Variants in MPHOSPH9 observed in about 807,000 individuals in gnomAD.
MPHOSPH9 encodes M-phase phosphoprotein 9.
Under a neutral mutation model 145.5 loss-of-function variants are expected in MPHOSPH9, and 88 were observed. The observed-to-expected ratio is 0.60, with a 90% CI of 0.51 to 0.72. MPHOSPH9 has a LOEUF of 0.72. Ranked by LOEUF, MPHOSPH9 falls within the 30% of genes least tolerant of loss-of-function variation. The pLI, the probability that MPHOSPH9 is intolerant of heterozygous loss-of-function variation, is 0.00. For synonymous variants in MPHOSPH9, 435 were observed against 486.2 expected, an observed-to-expected ratio of 0.89 and a Z score of 1.39; for missense variants, 1,238 against 1,386.6, an observed-to-expected ratio of 0.89 and a Z score of 1.70.
chr12:123,189,244 G>A (rs899596347), intron 13 of MPHOSPH9, among the ~76,000 whole-genome samples: 1 of 152,160 alleles, frequency 6.6e-6, no homozygotes, highest in African/African-American at 2.4e-5. Context: ...ATGCCCTTCA[G>A]AAGATTCCAG....
chr12:123,226,159 C>T (rs535343082), intron 3 of MPHOSPH9: 28 of 187,320 alleles, frequency 1.5e-4, no homozygotes, highest in Non-Finnish European at 2.6e-4. Flanking sequence ...AGGTCTTTCA[C>T]GTTAGTGCAT....
intron 8 of MPHOSPH9, among the ~76,000 whole-genome samples, chr12:123,208,982 G>A (rs1032538819): frequency 6.6e-6 from 1 of 152,138 alleles, no homozygotes; most frequent in Admixed American, 6.6e-5. Context: ...ACCCAGGCTG[G>A]AGTGCAGTGG....
intron 13 of MPHOSPH9, among the ~76,000 whole-genome samples, chr12:123,187,849 G>A (rs2045515520): frequency 6.6e-6 from 1 of 152,172 alleles, no homozygotes; most frequent in South Asian, 2.1e-4. Context: ...TTCTGGGCTG[G>A]GCGCCGTGGC....
intron 8 of MPHOSPH9, among the ~76,000 whole-genome samples, chr12:123,208,863 G>A (rs1452523760): frequency 6.6e-6 from 1 of 151,998 alleles, no homozygotes; most frequent in East Asian, 1.9e-4. Flanking sequence ...AGGATTACAG[G>A]TGTAAACTAT....
intron 2 of MPHOSPH9, among the ~76,000 whole-genome samples, chr12:123,227,856 A>G (rs1307582620): frequency 5.3e-5 from 8 of 152,208 alleles, no homozygotes; most frequent in Non-Finnish European, 8.8e-5. Context: ...GTGAGAGAAC[A>G]CTCCAAAGGA....
At chr12:123,198,462 T>A in intron 11 of MPHOSPH9, 128 bp from the exon 12 acceptor site, 4 of 743,650 alleles carry the variant, frequency 5.4e-6, no homozygotes, top group Non-Finnish European at 8.7e-6. Flanking sequence ...AGACTCAGGA[T>A]GCCATTTTAA....
Position 123,154,781 on chromosome 12 carries a change from T to A in MPHOSPH9, c.*2026A>T, listed in dbSNP as rs911062755. On this transcript the variant is annotated 3_prime_UTR_variant, in exon 24 of 24. Transcript: ENST00000606320. Reference sequence around the variant, plus strand: ...TACTAGGTCTTGACACAAGCTGTACTGGAGCTTGATTAAAATGAACATTTT... The same window carrying A: ...TACTAGGTCTTGACACAAGCTGTACAGGAGCTTGATTAAAATGAACATTTT... 7.2e-5 allele frequency: 11 copies of A among 152,312 alleles called. No individual in the cohort carries two copies. The highest frequency in any genetic ancestry group is 2.4e-4 in the African/African-American group (10 of 41,568). 9.4% of individuals were successfully genotyped at this position (152,312 alleles called of 1,614,324 possible). A position where few individuals can be genotyped will look rare whatever the true frequency, so the allele number is the denominator to read the frequency against.
intron 6 of MPHOSPH9, 82 bp downstream of exon 6, chr12:123,218,294 C>T: frequency 1.3e-6 from 2 of 1,536,734 alleles, no homozygotes; most frequent in Non-Finnish European, 1.8e-6. Context: ...AGAAAGGGCA[C>T]AAGAGTTTTG....
chr12:123,226,823 G>A (rs1272671995), intron 3 of MPHOSPH9, among the ~76,000 whole-genome samples: 2 of 152,054 alleles, frequency 1.3e-5, no homozygotes, highest in African/African-American at 4.8e-5. Flanking sequence ...TATTTGTAGA[G>A]ACAGGGTCTC....
rs1216828881 is a variant in MPHOSPH9 at position 123,156,718 on chromosome 12, T to TA, written c.*88dup. Reference sequence around the variant, plus strand: ...TGTAAAACTACTGTTTGAAGGCTTATAAACAGTACAAAATAGTTTGCCTTT... The same window carrying TA: ...TGTAAAACTACTGTTTGAAGGCTTATAAAACAGTACAAAATAGTTTGCCTTT... On this transcript the variant is annotated 3_prime_UTR_variant, in exon 24 of 24. Coordinates refer to ENST00000606320, the MANE Select transcript of MPHOSPH9 (RefSeq NM_022782.4). 6 of 944,358 alleles carry TA rather than the reference T, an allele frequency of 6.4e-6. No homozygotes were observed. In the East Asian group the frequency reaches 1.5e-4, roughly 24 times the overall value. The allele number at this position is 944,358 out of a possible 1,614,324, so 58.5% of individuals were successfully genotyped here.
chr12:123,231,391 A>C (rs1048883535), intron 1 of MPHOSPH9, among the ~76,000 whole-genome samples: 7 of 152,254 alleles, frequency 4.6e-5, no homozygotes, highest in African/African-American at 1.4e-4. Flanking sequence ...CAGAGACAAG[A>C]AGAACTGAAC....
chr12:123,243,740 A>G (rs1163332023), intron 1 of MPHOSPH9: 1 of 152,176 alleles, frequency 6.6e-6, no homozygotes, highest in Non-Finnish European at 1.5e-5. Flanking sequence ...AGAAGTAGAG[A>G]TGAAGGATAT....
At chr12:123,172,870 A>ATTTTT in intron 16 of MPHOSPH9, among the ~76,000 whole-genome samples, 1 of 32,736 alleles carries the variant, frequency 3.1e-5, no homozygotes, top group Non-Finnish European at 9.4e-5. Flanking sequence ...GTTTTCATTC[A>ATTTTT]CTTTTTTTTT....
At chr12:123,201,206 T>G (rs2046206828) in intron 11 of MPHOSPH9, among the ~76,000 whole-genome samples, 1 of 150,346 alleles carries the variant, frequency 6.7e-6, no homozygotes, top group East Asian at 2.0e-4. Flanking sequence ...TAAAGGCTAG[T>G]TTTCCCATAA....
intron 3 of MPHOSPH9, among the ~76,000 whole-genome samples, chr12:123,226,560 C>G (rs2047444133): frequency 6.6e-6 from 1 of 151,320 alleles, no homozygotes; most frequent in Non-Finnish European, 1.5e-5. Context: ...GCTATGTTGC[C>G]CAAGCAGGTC....
In MPHOSPH9 at chr12:123,233,108, A is replaced by G. The variant is rs1269669279; in HGVS notation, c.-192T>C. On this transcript the variant is annotated 5_prime_UTR_variant, in exon 1 of 24. An upstream start codon of the reference 5' UTR is lost. Transcript: ENST00000606320. The stretch of plus-strand genomic sequence containing the variant: ...CGCTCCCGCTGCCGATGTCAGGGTC[A>G]TGCAAGCGGCCTCTCGCGACCGTTA... 4.0e-5 allele frequency: 6 copies of G among 151,538 alleles called. No homozygotes were observed. In the Admixed American group the frequency reaches 4.0e-4, roughly 10 times the overall value. 9.4% of individuals were successfully genotyped at this position (151,538 alleles called of 1,614,324 possible).
At chr12:123,161,073 T>C (rs2044084949) in intron 22 of MPHOSPH9, 63 bp downstream of exon 22, 4 of 1,566,546 alleles carry the variant, frequency 2.6e-6, no homozygotes, top group Admixed American at 3.6e-5. Flanking sequence ...AATAATTCCC[T>C]TCTCCTTAGA....
intron 16 of MPHOSPH9, among the ~76,000 whole-genome samples, chr12:123,174,534 G>A (rs763564728): frequency 1.7e-4 from 26 of 151,948 alleles, no homozygotes; most frequent in African/African-American, 4.6e-4. Flanking sequence ...CACCACACCC[G>A]GCTAATTTTT....
intron 21 of MPHOSPH9, 93 bp downstream of exon 21, chr12:123,162,022 C>T: frequency 1.4e-6 from 1 of 731,684 alleles, no homozygotes; most frequent in South Asian, 3.2e-5. Context: ...TATTTAAGTG[C>T]AAGATATTAT....
Sources: allele counts gnomAD v4.1 joint callset (sites outside exome capture counted in the v4.1 genomes callset), GRCh38; gene constraint gnomAD v4.1.1; transcripts MANE v1.5; gene names NCBI Gene and HGNC (gene_info 2026-07-23, HGNC 2026-07-21).